The following VWA3B variants were observed in gnomAD, a reference collection of about 807,000 sequenced individuals.
VWA3B encodes the protein von Willebrand factor A domain-containing protein 3B.
In VWA3B, 138 loss-of-function variants were observed where a neutral mutation model predicts 158.3. The ratio of observed to expected loss-of-function variants is 0.87; its 90% CI spans 0.76 to 1.00. The LOEUF is 1.00. Ranked by LOEUF, VWA3B falls within the 50% of genes least tolerant of loss-of-function variation. The probability of loss-of-function intolerance (pLI) is 0.00; values close to 1 mark genes in which losing one functional copy is unlikely to be tolerated. For missense variants in VWA3B, 1,555 were observed against 1,565.1 expected (o/e 0.99, Z 0.11); for synonymous variants, 596 against 587.3 (o/e 1.01, Z -0.21).
At chr2:98,139,457 C>A (rs577211463) in intron 7 of VWA3B, among the ~76,000 whole-genome samples, 1 of 152,246 alleles carries the variant, frequency 6.6e-6, no homozygotes, top group Admixed American at 6.5e-5. Context: ...GTGAAGCCAG[C>A]GGGGCTCCTG....
downstream of VWA3B, among the ~76,000 whole-genome samples, chr2:98,316,046 A>G (rs1051778267): frequency 2.0e-5 from 3 of 152,234 alleles, no homozygotes; most frequent in African/African-American, 7.2e-5. Flanking sequence ...CCTAGGAGAC[A>G]CACAAGATTA....
Position 98,228,196 on chromosome 2 carries a change from T to C in VWA3B, c.2020-6T>C. 1.9e-6 allele frequency: 3 copies of C among 1,608,600 alleles called. No individual in the cohort carries two copies. The highest frequency in any genetic ancestry group is 2.5e-6 in the Non-Finnish European group (3 of 1,178,138). On this transcript the variant is annotated splice_polypyrimidine_tract_variant and splice_region_variant and intron_variant, in intron 14 of 27. Coordinates refer to ENST00000477737, the MANE Select transcript of VWA3B (RefSeq NM_144992.5). ...CTTATAGCATATTCACTTCTCATTT[T>C]GGCAGAATGAAGATCTGACTCTTTT...
intron 11 of VWA3B, among the ~76,000 whole-genome samples, chr2:98,193,762 G>C (rs894666263): frequency 6.6e-6 from 1 of 151,832 alleles, no homozygotes; most frequent in Non-Finnish European, 1.5e-5. Context: ...GCTAATTTTT[G>C]TATTTTTAGT....
chr2:98,179,769 CTCTT>C (rs1261671413), intron 8 of VWA3B, among the ~76,000 whole-genome samples: 16 of 114,604 alleles, frequency 1.4e-4, no homozygotes, highest in East Asian at 6.2e-4. Flanking sequence ...CTTCCTTTCT[CTCTT>C]TCTTTCTCTT....
At position 98,119,647 on chromosome 2, in the gene VWA3B, C is replaced by G; in HGVS notation, c.426C>G (p.Val142=). The G allele has an allele frequency of 6.2e-7, 1 of 1,614,068 alleles. No homozygotes were observed. The highest frequency in any genetic ancestry group is 8.5e-7 in the Non-Finnish European group (1 of 1,180,026). ...TTGGTGTCATCTTGGAACAGTGCGT[C>G]ACCATAGTGCTGGATTTTGGCGGCA... ...QIFGVILEQC[V]TIVLDFGGIL... is the part of the protein sequence containing the mutation. Residue 142 remains valine (V), a synonymous_variant, in exon 4 of 28, where the codon GTC becomes GTG. Coordinates refer to ENST00000477737, the MANE Select transcript of VWA3B (RefSeq NM_144992.5).
intron 19 of VWA3B, among the ~76,000 whole-genome samples, chr2:98,249,830 A>G (rs1034285907): frequency 2.0e-5 from 3 of 152,172 alleles, no homozygotes; most frequent in Non-Finnish European, 4.4e-5. Flanking sequence ...CAAACAAAAA[A>G]AGGATAAGAG....
chr2:98,308,894 G>A (rs372797474), intron 26 of VWA3B, among the ~76,000 whole-genome samples: 8 of 152,274 alleles, frequency 5.3e-5, no homozygotes, highest in East Asian at 3.9e-4. Context: ...ACTCCTGTCC[G>A]GGGGCAGTGG....
chr2:98,107,014 G>T (rs1673714721), intron 2 of VWA3B, among the ~76,000 whole-genome samples: 1 of 152,146 alleles, frequency 6.6e-6, no homozygotes, highest in Non-Finnish European at 1.5e-5. Flanking sequence ...ATTGTGGAAG[G>T]TCCCTGATAT....
intron 12 of VWA3B, chr2:98,206,971 C>G (rs1017485921): frequency 1.4e-5 from 7 of 482,962 alleles, no homozygotes; most frequent in Non-Finnish European, 2.9e-5. Context: ...GAATGAACCA[C>G]ATGCTACTCA....
intron 6 of VWA3B, 110 bp downstream of exon 6, chr2:98,128,518 T>G: frequency 9.2e-7 from 1 of 1,092,538 alleles, no homozygotes; most frequent in Non-Finnish European, 1.3e-6. Context: ...TGCTGTGTTC[T>G]CCTCTTTCCA....
chr2:98,245,090 A>C lies in VWA3B; in HGVS notation c.2674-5228A>C, dbSNP rs994750558. ...TTGATAAGGCTTCTAGGTTAACCTC[A>C]AGAGAATTGAATTAAAGTAGGTAAT... On this transcript the variant is annotated intron_variant, in intron 19 of 27. Coordinates refer to ENST00000477737, the MANE Select transcript of VWA3B (RefSeq NM_144992.5). Among the ~76,000 whole-genome samples the C allele has an allele frequency of 1.2e-4, 18 of 152,268 alleles. 1 individual carries two copies. Among genetic ancestry groups the C allele is most frequent in the African/African-American group, 4.3e-4 (18 of 41,512 alleles).
intron 7 of VWA3B, among the ~76,000 whole-genome samples, chr2:98,158,830 A>G (rs1164580379): frequency 6.6e-6 from 1 of 152,118 alleles, no homozygotes; most frequent in African/African-American, 2.4e-5. Context: ...GACCGGGTTC[A>G]TGGTGCAGAG....
intron 7 of VWA3B, among the ~76,000 whole-genome samples, chr2:98,161,109 T>C (rs1470504208): frequency 6.6e-6 from 1 of 152,112 alleles, no homozygotes; most frequent in Non-Finnish European, 1.5e-5. Context: ...TCATCTGTGA[T>C]TGTGGGATAT....
chr2:98,322,212 A>G, the VWA3B span, among the ~76,000 whole-genome samples: 106 of 152,322 alleles, frequency 7.0e-4, 1 homozygote, highest in East Asian at 0.02. Flanking sequence ...GCACAATAAA[A>G]TGCTCAAGAA....
Position 98,270,779 on chromosome 2 carries a change from T to G in VWA3B, c.2941T>G (p.Ser981Ala). ...TTGGCCCATTTCACTGAAAGAGCTG[T>G]CGATGCTGGAAAGTGAAATCCTAGC... ...LNWPISLKEL[S>A]MLESEILAGK... The change falls in exon 22 of 28, where the codon TCG becomes GCG. Residue 981 changes from serine (S) to alanine (A), a missense_variant. Coordinates refer to ENST00000477737, the MANE Select transcript of VWA3B (RefSeq NM_144992.5). 1 of 1,614,178 alleles carries G rather than the reference T, an allele frequency of 6.2e-7. No individual in the cohort carries two copies. Among genetic ancestry groups the G allele is most frequent in the South Asian group, 1.1e-5 (1 of 91,084 alleles).
chr2:98,172,426 G>A (rs996848782), intron 8 of VWA3B, among the ~76,000 whole-genome samples: 1 of 152,152 alleles, frequency 6.6e-6, no homozygotes, highest in Non-Finnish European at 1.5e-5. Context: ...TTCCTCCTCC[G>A]ATATGCTCCT....
chr2:98,216,982 A>ACCG (rs1553417707), intron 13 of VWA3B: 99 of 1,237,238 alleles, frequency 8.0e-5, no homozygotes, highest in Middle Eastern at 3.4e-4. Flanking sequence ...CATTGTAAGC[A>ACCG]CCCGCCCCGC....
chr2:98,196,488 C>G (rs770409402), intron 12 of VWA3B, among the ~76,000 whole-genome samples: 7 of 152,206 alleles, frequency 4.6e-5, no homozygotes, highest in Non-Finnish European at 8.8e-5. Context: ...CCCGGTAGCA[C>G]TCAGGGTGGT....
chr2:98,124,389 G>A (rs1049756125), intron 5 of VWA3B, among the ~76,000 whole-genome samples: 1 of 152,328 alleles, frequency 6.6e-6, no homozygotes, highest in African/African-American at 2.4e-5. Context: ...TAGGACCCTG[G>A]TGGGGATGGC....
Sources: allele counts gnomAD v4.1 joint callset (sites outside exome capture counted in the v4.1 genomes callset), GRCh38; gene constraint gnomAD v4.1.1; transcripts MANE v1.5; gene names NCBI Gene and HGNC (gene_info 2026-07-23, HGNC 2026-07-21).